Variants in SESN3 observed in about 807,000 individuals in gnomAD.
The protein encoded by SESN3 is sestrin-3.
In SESN3, 21 loss-of-function variants were observed where a neutral mutation model predicts 55.3. The observed-to-expected ratio is 0.38, with a 90% confidence interval of 0.27 to 0.55. The LOEUF is 0.55. Among genes scored for constraint, SESN3 ranks in the 20% least tolerant of loss-of-function variants. SESN3 has a pLI of 0.76. For synonymous variants in SESN3, 181 were observed against 203.1 expected (o/e 0.89, Z 0.93); for missense variants, 408 against 604.3 (o/e 0.68, Z 3.41).
chr11:95,185,155 A>G, intron 5 of SESN3, 101 bp downstream of exon 5: 2 of 670,364 alleles, frequency 3.0e-6, no homozygotes. Context: ...TATTTTAAGT[A>G]TATAATATCC....
intron 1 of SESN3, among the ~76,000 whole-genome samples, chr11:95,228,768 A>T (rs1471370653): frequency 6.6e-6 from 1 of 152,206 alleles, no homozygotes; most frequent in Non-Finnish European, 1.5e-5. Flanking sequence ...TAAAAACTGG[A>T]ATACTGGCAG....
rs567736399 is a variant in SESN3, at chr11:95,202,471, T to C, written c.79-8949A>G. Among the ~76,000 whole-genome samples the C allele has an allele frequency of 1.3e-4, 20 of 152,164 alleles. No homozygotes were observed. The South Asian group carries it at 2.7e-3, about 20-fold the overall frequency. On this transcript the variant is annotated intron_variant, in intron 1 of 9. Transcript: ENST00000536441. ...TGCCCTCTGGATGCCTATTTGTTTA[T>C]TTTCTTAGTTATTAAAACAAACAGT...
rs542760516 is a variant in SESN3 at position 95,221,013 on chromosome 11, A to G, written c.78+9770T>C. Among the ~76,000 whole-genome samples, 5 of 152,324 alleles carry G rather than the reference A, an allele frequency of 3.3e-5. No individual in the cohort carries two copies. The East Asian group carries it at 9.6e-4, about 29-fold the overall frequency. ...TATTATAAAATGTGTTTTGAAAGTA[A>G]GAGTCACAGCCGGGCTGGGTGGCTC... On this transcript the variant is annotated intron_variant, in intron 1 of 9. Transcript: ENST00000536441.
chr11:95,219,441 C>A (rs1860819686), intron 1 of SESN3, among the ~76,000 whole-genome samples: 1 of 152,012 alleles, frequency 6.6e-6, no homozygotes. Flanking sequence ...CAAAGAGGAA[C>A]TTTCTGGGTA....
intron 9 of SESN3, 59 bp from the exon 10 acceptor site, chr11:95,173,400 A>G (rs1020360912): frequency 1.8e-5 from 20 of 1,084,052 alleles, no homozygotes; most frequent in Non-Finnish European, 2.8e-5. Flanking sequence ...AAATCTTATT[A>G]GACATTCACA....
intron 4 of SESN3, among the ~76,000 whole-genome samples, chr11:95,189,322 C>T (rs958042845): frequency 6.6e-6 from 1 of 151,906 alleles, no homozygotes; most frequent in Non-Finnish European, 1.5e-5. Context: ...GCTGGCAAAT[C>T]ACTTTTTTAT....
At chr11:95,179,135 G>A (rs894283849) in intron 6 of SESN3, among the ~76,000 whole-genome samples, 2 of 151,872 alleles carry the variant, frequency 1.3e-5, no homozygotes, top group Admixed American at 6.6e-5. Context: ...GATAGCATAG[G>A]CCTATAAGTA....
At chr11:95,214,606 C>G (rs1860718370) in intron 1 of SESN3, among the ~76,000 whole-genome samples, 1 of 151,058 alleles carries the variant, frequency 6.6e-6, no homozygotes, top group African/African-American at 2.4e-5. Flanking sequence ...AAGAGAACAT[C>G]CATAATTTAT....
Position 95,169,611 on chromosome 11 carries a change from A to G in SESN3, c.*3644T>C, listed in dbSNP as rs2134204312. On this transcript the variant is annotated 3_prime_UTR_variant, in exon 10 of 10. Coordinates refer to ENST00000536441, the MANE Select transcript of SESN3 (RefSeq NM_144665.4). ...CAAATCATTTTTATAATATGCACTG[A>G]AATTTATTTTTTCCATGAGGAATTG... 1 of 152,282 alleles carries G rather than the reference A, an allele frequency of 6.6e-6. No homozygotes were observed. Among genetic ancestry groups the G allele is most frequent in the African/African-American group, 2.4e-5 (1 of 41,552 alleles). The allele number at this position is 152,282 out of a possible 1,614,324, so 9.4% of individuals were successfully genotyped here.
intron 3 of SESN3, among the ~76,000 whole-genome samples, chr11:95,190,742 C>G (rs1389009978): frequency 6.6e-6 from 1 of 151,966 alleles, no homozygotes; most frequent in East Asian, 1.9e-4. Flanking sequence ...AATCTCCTAA[C>G]TCCTGGCTAG....
rs943809289 is a variant in SESN3, at chr11:95,169,801, A to G, written c.*3454T>C. On this transcript the variant is annotated 3_prime_UTR_variant, in exon 10 of 10. Transcript: ENST00000536441. The stretch of plus-strand genomic sequence containing the variant: ...TTAAAAAAAAACTTTATAAGGGGGA[A>G]AAGGAAAAAGTTGCTCTGGAATAAT... The G allele has an allele frequency of 2.6e-5, 4 of 152,160 alleles. No homozygotes were observed. Among genetic ancestry groups the G allele is most frequent in the Admixed American group, 1.3e-4 (2 of 15,264 alleles). 9.4% of individuals were successfully genotyped at this position (152,160 alleles called of 1,614,324 possible). A position where few individuals can be genotyped will look rare whatever the true frequency, so the allele number is the denominator to read the frequency against.
intron 4 of SESN3, among the ~76,000 whole-genome samples, chr11:95,187,063 G>A (rs1404881363): frequency 1.3e-5 from 2 of 151,760 alleles, no homozygotes; most frequent in Non-Finnish European, 2.9e-5. Flanking sequence ...AGGCCACAGT[G>A]CCATATTAAT....
intron 1 of SESN3, among the ~76,000 whole-genome samples, chr11:95,221,284 A>T (rs1306041519): frequency 1.3e-5 from 2 of 151,898 alleles, no homozygotes; most frequent in African/African-American, 4.9e-5. Context: ...AGCCTGGGTG[A>T]CAGAGTGAGA....
In SESN3 at chr11:95,191,459, A is replaced by G; in HGVS notation, c.287T>C (p.Met96Thr). Residue 96 changes from methionine to threonine, a missense_variant, in exon 3 of 10, where the codon ATG (methionine) becomes ACG (threonine). Physicochemically the swap from Met to Thr is moderately conservative, Grantham distance 81. This residue lies in a region of SESN3 where 107 missense variants were observed against 211.3 expected (regional missense o/e 0.51). Coordinates refer to ENST00000536441, the MANE Select transcript of SESN3 (RefSeq NM_144665.4). ...LESFLRSQFY[M>T]LRMDGPLPLP... ...AGGAAGGGGACCATCCATGCGCAACATGTAAAACTGGCTCCGCAAGAAAGA... is the reference window on the plus strand; with the variant it reads ...AGGAAGGGGACCATCCATGCGCAACGTGTAAAACTGGCTCCGCAAGAAAGA... 1 of 1,613,058 alleles carries G rather than the reference A, an allele frequency of 6.2e-7. No homozygotes were observed. Among genetic ancestry groups the G allele is most frequent in the Non-Finnish European group, 8.5e-7 (1 of 1,179,268 alleles).
intron 1 of SESN3, among the ~76,000 whole-genome samples, chr11:95,228,053 G>A (rs966005866): frequency 2.6e-5 from 4 of 152,062 alleles, no homozygotes; most frequent in Admixed American, 6.5e-5. Context: ...CTGTCCTAAG[G>A]TTACCAAATT....
chr11:95,211,298 T>C (rs1469662511), intron 1 of SESN3, among the ~76,000 whole-genome samples: 2 of 152,304 alleles, frequency 1.3e-5, no homozygotes, highest in East Asian at 1.9e-4. Flanking sequence ...ACTGTGAGTA[T>C]ATGTGACTAA....
At chr11:95,227,432 T>C (rs145907837) in intron 1 of SESN3, among the ~76,000 whole-genome samples, 1,588 of 152,216 alleles carry the variant, frequency 0.01, 36 homozygotes, top group African/African-American at 0.036. Flanking sequence ...TCTCGATCTT[T>C]TGACCTCGTG....
At chr11:95,216,121 AAAAAG>A (rs1316841378) in intron 1 of SESN3, among the ~76,000 whole-genome samples, 4 of 151,838 alleles carry the variant, frequency 2.6e-5, no homozygotes, top group Non-Finnish European at 5.9e-5. Context: ...AAAAAAAAAA[AAAAAG>A]AAATCCTTTA....
chr11:95,185,771 T>G (rs1248624315), intron 4 of SESN3, among the ~76,000 whole-genome samples: 1 of 152,014 alleles, frequency 6.6e-6, no homozygotes, highest in Non-Finnish European at 1.5e-5. Context: ...GCTATTTTAA[T>G]GAAATACTTT....
Sources: gnomAD v4.1 joint callset for allele counts (sites outside exome capture counted in the v4.1 genomes callset) on GRCh38, gnomAD v4.1.1 for gene constraint, gnomAD v4.1.1 regional missense constraint, MANE v1.5 for transcripts, NCBI Gene and HGNC (gene_info 2026-07-23, HGNC 2026-07-21) for gene names.